UBAC2: variants seen among roughly 807,000 people sequenced by gnomAD.
UBAC2 encodes the protein ubiquitin-associated domain-containing protein 2.
A neutral mutation model predicts 44.0 loss-of-function variants in UBAC2; 26 were observed. The ratio of observed to expected loss-of-function variants is 0.59; its 90% CI spans 0.43 to 0.82. The LOEUF (loss-of-function observed/expected upper bound fraction) is 0.82, where lower values mean the gene tolerates loss of function less well. Among genes scored for constraint, UBAC2 ranks in the 40% least tolerant of loss-of-function variants. The pLI is 0.00. For missense variants in UBAC2, 329 were observed against 419.4 expected (o/e 0.78, Z 1.88); for synonymous variants, 155 against 154.3 (o/e 1.00, Z -0.04).
At chr13:99,302,502 G>C (rs1441788374) in intron 4 of UBAC2, among the ~76,000 whole-genome samples, 2 of 152,192 alleles carry the variant, frequency 1.3e-5, no homozygotes, top group African/African-American at 4.8e-5. Flanking sequence ...GGTTTGATAA[G>C]TATTTGTCAA....
intron 8 of UBAC2, among the ~76,000 whole-genome samples, chr13:99,381,635 G>A (rs7317555): frequency 0.35 from 53,198 of 151,948 alleles, 10,099 homozygotes; most frequent in African/African-American, 0.51. Flanking sequence ...CTTAACTGGA[G>A]GGAACATCAT....
At chr13:99,269,082 A>G (rs1170514201) in intron 4 of UBAC2, among the ~76,000 whole-genome samples, 3 of 152,208 alleles carry the variant, frequency 2.0e-5, no homozygotes, top group Admixed American at 2.0e-4. Flanking sequence ...CACTGTCTCA[A>G]GATGAGGTGA....
At chr13:99,380,323 C>T (rs1460235416) in intron 8 of UBAC2, among the ~76,000 whole-genome samples, 2 of 152,114 alleles carry the variant, frequency 1.3e-5, no homozygotes, top group Admixed American at 6.5e-5. Flanking sequence ...CTTCACATGC[C>T]GAGTAAGCTT....
chr13:99,359,039 A>T (rs905543585), intron 7 of UBAC2, among the ~76,000 whole-genome samples: 1 of 152,186 alleles, frequency 6.6e-6, no homozygotes, highest in Non-Finnish European at 1.5e-5. Context: ...CACTCCCCAC[A>T]TGGAACCTTC....
At chr13:99,203,140 G>A (rs565390548) in intron 1 of UBAC2, among the ~76,000 whole-genome samples, 2 of 152,030 alleles carry the variant, frequency 1.3e-5, no homozygotes, top group Admixed American at 6.6e-5. Flanking sequence ...GAGTTCAAGC[G>A]ATTCTCCCGC....
At chr13:99,346,898 G>A (rs947642535) in intron 7 of UBAC2, among the ~76,000 whole-genome samples, 5 of 146,306 alleles carry the variant, frequency 3.4e-5, no homozygotes, top group African/African-American at 1.0e-4. Context: ...TAGGAACTGT[G>A]GGAATTAATG....
intron 4 of UBAC2, among the ~76,000 whole-genome samples, chr13:99,268,637 AAC>A (rs113131301): frequency 0.22 from 31,822 of 142,120 alleles, 3,741 homozygotes; most frequent in South Asian, 0.36. Context: ...AAAAAAAAGA[AAC>A]ACAAAAGGTA....
intron 4 of UBAC2, chr13:99,312,716 G>A (rs973318851): frequency 2.6e-5 from 4 of 153,252 alleles, no homozygotes; most frequent in Non-Finnish European, 5.9e-5. Context: ...TCCTAGGCAG[G>A]AAAGTGGAAA....
rs749722415 is a variant in UBAC2, at chr13:99,200,894, G to C, written c.-15G>C. On this transcript the variant is annotated 5_prime_UTR_variant, in exon 1 of 9. Coordinates refer to ENST00000403766, the MANE Select transcript of UBAC2 (RefSeq NM_001144072.2). Reference sequence around the variant, plus strand: ...CTCCCCCGGCGCCCTCTGGGGCTCCGAGCCCGGCGGGACCATGTTCACCAG... The same window carrying C: ...CTCCCCCGGCGCCCTCTGGGGCTCCCAGCCCGGCGGGACCATGTTCACCAG... 1.6e-5 allele frequency: 21 copies of C among 1,303,578 alleles called. No individual in the cohort carries two copies. Among genetic ancestry groups the C allele is most frequent in the Non-Finnish European group, 2.1e-5 (21 of 1,018,174 alleles). 80.8% of individuals were successfully genotyped at this position (1,303,578 alleles called of 1,614,324 possible).
chr13:99,316,498 A>T (rs1047188603), intron 5 of UBAC2, among the ~76,000 whole-genome samples: 1 of 152,104 alleles, frequency 6.6e-6, no homozygotes, highest in Non-Finnish European at 1.5e-5. Context: ...TAAGTATCCA[A>T]TGACTTGAGA....
At chr13:99,284,115 G>A (rs1316657268) in intron 4 of UBAC2, among the ~76,000 whole-genome samples, 1 of 152,210 alleles carries the variant, frequency 6.6e-6, no homozygotes, top group Non-Finnish European at 1.5e-5. Context: ...TAACTTGCCA[G>A]ACTGAGGCTG....
rs1455615883 is a variant in UBAC2, at chr13:99,249,732, C to T, written c.389+5108C>T. On this transcript the variant is annotated intron_variant, in intron 4 of 8. Transcript: ENST00000403766. Reference sequence around the variant, plus strand: ...TTTCCCTTTTCTTCCCAGATCTCACCAGCATCTGTTGTTTTTTGGCTTTTT... The same window carrying T: ...TTTCCCTTTTCTTCCCAGATCTCACTAGCATCTGTTGTTTTTTGGCTTTTT... Among the ~76,000 whole-genome samples, 3 of 152,274 alleles carry T rather than the reference C, an allele frequency of 2.0e-5. No individual in the cohort carries two copies. In the East Asian group the frequency reaches 5.8e-4, roughly 30 times the overall value.
Position 99,371,093 on chromosome 13 carries a change from GA to G in UBAC2, c.927+3196del, listed in dbSNP as rs369257399. Among the ~76,000 whole-genome samples the G allele has an allele frequency of 1.0e-3, 150 of 149,068 alleles. 1 individual carries two copies. The East Asian group carries it at 0.019, about 19-fold the overall frequency. On this transcript the variant is annotated intron_variant, in intron 8 of 8. Coordinates refer to ENST00000403766, the MANE Select transcript of UBAC2 (RefSeq NM_001144072.2). ...ATATTTCTCAGTTTGGGCACTTCAGGAAAAAAAAAGTGTCAAAAAGGGAGTG... is the reference window on the plus strand; with the variant it reads ...ATATTTCTCAGTTTGGGCACTTCAGGAAAAAAAAGTGTCAAAAAGGGAGTG...
At chr13:99,209,595 G>A (rs187056088) in intron 1 of UBAC2, among the ~76,000 whole-genome samples, 7 of 152,140 alleles carry the variant, frequency 4.6e-5, no homozygotes, top group Admixed American at 1.3e-4. Flanking sequence ...TGAACAGCTC[G>A]TTTACTCTTG....
intron 6 of UBAC2, among the ~76,000 whole-genome samples, chr13:99,331,935 A>G (rs578194135): frequency 1.3e-5 from 2 of 152,262 alleles, no homozygotes; most frequent in South Asian, 4.1e-4. Flanking sequence ...GAATGAATAA[A>G]TGAGGTCTCG....
chr13:99,270,118 A>G, intron 4 of UBAC2, among the ~76,000 whole-genome samples: 1 of 152,312 alleles, frequency 6.6e-6, no homozygotes. Context: ...CCTAAGAATG[A>G]TTTTTAGTTC....
intron 4 of UBAC2, among the ~76,000 whole-genome samples, chr13:99,283,536 G>C (rs897824735): frequency 1.3e-5 from 2 of 151,812 alleles, no homozygotes; most frequent in African/African-American, 4.8e-5. Context: ...AGATTTAAAT[G>C]AATAGCCACA....
chr13:99,295,635 T>A lies in UBAC2; in HGVS notation c.390-18462T>A, dbSNP rs1273131573. Reference sequence around the variant, plus strand: ...ATCCTTTCAGCCTCCTGCTTTGACATAGGGTTGATGAGGAGTGGGAGTGTC... The same window carrying A: ...ATCCTTTCAGCCTCCTGCTTTGACAAAGGGTTGATGAGGAGTGGGAGTGTC... On this transcript the variant is annotated intron_variant, in intron 4 of 8. Transcript: ENST00000403766. This position sits in a 1 kb window ranked among gnomAD's most constrained non-coding sequence, Gnocchi z 4.1. The A allele has an allele frequency of 6.2e-7, 1 of 1,614,046 alleles. No homozygotes were observed. Among genetic ancestry groups the A allele is most frequent in the East Asian group, 2.2e-5 (1 of 44,894 alleles).
intron 4 of UBAC2, among the ~76,000 whole-genome samples, chr13:99,269,582 T>C (rs1248061342): frequency 6.6e-6 from 1 of 152,200 alleles, no homozygotes; most frequent in Non-Finnish European, 1.5e-5. Flanking sequence ...TAAAGAGGAA[T>C]AGAATGAGAA....
Sources: gnomAD v4.1 joint callset for allele counts (sites outside exome capture counted in the v4.1 genomes callset) on GRCh38, gnomAD v4.1.1 for gene constraint, Gnocchi (gnomAD v3.1) non-coding constraint, MANE v1.5 for transcripts, NCBI Gene and HGNC (gene_info 2026-07-23, HGNC 2026-07-21) for gene names.